Variants in NRXN1 observed in about 807,000 individuals in gnomAD.
NRXN1 encodes the protein neurexin 1.
Under a neutral mutation model 150.9 loss-of-function variants are expected in NRXN1, and 39 were observed. The ratio of observed to expected loss-of-function variants is 0.26; its 90% CI spans 0.20 to 0.34. The LOEUF (loss-of-function observed/expected upper bound fraction) is 0.34. Among genes scored for constraint, NRXN1 ranks in the 10% least tolerant of loss-of-function variants. The probability of loss-of-function intolerance (pLI) is 1.00; values close to 1 mark genes in which losing one functional copy is unlikely to be tolerated. For missense variants in NRXN1, 1,815 were observed against 1,949.9 expected, an observed-to-expected ratio of 0.93 and a Z score of 1.30; for synonymous variants, 924 against 757.0, an observed-to-expected ratio of 1.22 and a Z score of -3.62.
intron 19 of NRXN1, among the ~76,000 whole-genome samples, chr2:50,076,619 C>G (rs1452776): frequency 6.6e-6 from 1 of 152,130 alleles, no homozygotes; most frequent in Non-Finnish European, 1.5e-5. Context: ...CCCTCTGAAC[C>G]TTCATGCTAA....
intron 2 of NRXN1, among the ~76,000 whole-genome samples, chr2:51,025,846 G>A (rs188786526): frequency 6.6e-6 from 1 of 152,262 alleles, no homozygotes; most frequent in Non-Finnish European, 1.5e-5. Context: ...TAAAGCTGAA[G>A]TGCTGTATAG....
intron 21 of NRXN1, among the ~76,000 whole-genome samples, chr2:50,039,363 G>C (rs190604123): frequency 6.6e-6 from 1 of 152,150 alleles, no homozygotes; most frequent in African/African-American, 2.4e-5. Flanking sequence ...CTACTCAGGA[G>C]GCTGAAGCAG....
chr2:50,096,697 T>A (rs1053047728), intron 18 of NRXN1, among the ~76,000 whole-genome samples: 2 of 152,300 alleles, frequency 1.3e-5, no homozygotes, highest in Admixed American at 6.5e-5. Flanking sequence ...TTTCCATGGA[T>A]TCATTAAATA....
intron 18 of NRXN1, among the ~76,000 whole-genome samples, chr2:50,186,969 G>T (rs578181731): frequency 6.6e-6 from 1 of 152,068 alleles, no homozygotes; most frequent in East Asian, 1.9e-4. Context: ...ATATAAAGAT[G>T]GTTCCTGGCA....
intron 17 of NRXN1, among the ~76,000 whole-genome samples, chr2:50,390,446 G>A (rs2081612658): frequency 6.6e-6 from 1 of 152,128 alleles, no homozygotes; most frequent in African/African-American, 2.4e-5. Context: ...AATTTACACA[G>A]GCTAGTGTGG....
chr2:50,471,678 G>T (rs2089479295), intron 16 of NRXN1, among the ~76,000 whole-genome samples: 2 of 151,834 alleles, frequency 1.3e-5, no homozygotes, highest in South Asian at 4.1e-4. Context: ...AGAGCTAAAT[G>T]AAGAGAACAC....
At chr2:50,000,760 T>C (rs1456458245) in intron 21 of NRXN1, among the ~76,000 whole-genome samples, 1 of 152,166 alleles carries the variant, frequency 6.6e-6, no homozygotes, top group East Asian at 1.9e-4. Context: ...TTCCTGACTC[T>C]GTAGATTGTT....
chr2:50,482,532 G>A (rs1036753488), intron 15 of NRXN1, among the ~76,000 whole-genome samples: 2 of 152,044 alleles, frequency 1.3e-5, no homozygotes, highest in Non-Finnish European at 2.9e-5. Flanking sequence ...AATGCTCTCT[G>A]GGACTGCATA....
chr2:51,010,446 A>G (rs1390124209), intron 2 of NRXN1, among the ~76,000 whole-genome samples: 1 of 151,996 alleles, frequency 6.6e-6, no homozygotes, highest in Non-Finnish European at 1.5e-5. Flanking sequence ...CATTCATGTT[A>G]TATTGTGAGT....
intron 21 of NRXN1, among the ~76,000 whole-genome samples, chr2:50,029,426 A>G (rs963121502): frequency 6.6e-6 from 1 of 152,156 alleles, no homozygotes; most frequent in Non-Finnish European, 1.5e-5. Flanking sequence ...GTGAGTTTGT[A>G]TTTGAAGATA....
intron 18 of NRXN1, among the ~76,000 whole-genome samples, chr2:50,114,734 A>C (rs1324801204): frequency 6.6e-6 from 1 of 152,130 alleles, no homozygotes; most frequent in Non-Finnish European, 1.5e-5. Flanking sequence ...AATGCATATT[A>C]TTATACTAAG....
chr2:50,762,320 T>C (rs1701892592), intron 5 of NRXN1, among the ~76,000 whole-genome samples: 1 of 151,890 alleles, frequency 6.6e-6, no homozygotes, highest in African/African-American at 2.4e-5. Context: ...AGAGGTCATG[T>C]ACTTTTTTAA....
At chr2:50,927,006 G>A (rs1687000427) in intron 2 of NRXN1, among the ~76,000 whole-genome samples, 1 of 151,828 alleles carries the variant, frequency 6.6e-6, no homozygotes, top group African/African-American at 2.4e-5. Flanking sequence ...TAGGGGACTA[G>A]GGCAAGAGCA....
At chr2:50,100,679 CA>C (rs1700863051) in intron 18 of NRXN1, among the ~76,000 whole-genome samples, 1 of 152,010 alleles carries the variant, frequency 6.6e-6, no homozygotes. Flanking sequence ...CATACGTTTG[CA>C]GATATCACGA....
At chr2:50,949,262 C>T (rs576527019) in intron 2 of NRXN1, among the ~76,000 whole-genome samples, 2 of 151,930 alleles carry the variant, frequency 1.3e-5, no homozygotes, top group Admixed American at 1.3e-4. Flanking sequence ...CCATATAATA[C>T]TGAGTTGAAA....
rs112096907 is a variant in NRXN1, at chr2:50,845,585, A to G, written c.832+76284T>C. On this transcript the variant is annotated intron_variant, in intron 5 of 22. Transcript: ENST00000401669. The stretch of plus-strand genomic sequence containing the variant: ...TTAACTCTCTGTTTTTCCCTCACAA[A>G]TTTAAAGTTCAGATTAGGAACCTCA... Among the ~76,000 whole-genome samples the G allele has an allele frequency of 1.6e-3, 246 of 152,262 alleles. 4 individuals are homozygous for G. The highest frequency in any genetic ancestry group is 5.8e-3 in the African/African-American group (239 of 41,562).
At chr2:50,471,303 T>C (rs1409501865) in intron 16 of NRXN1, among the ~76,000 whole-genome samples, 2 of 151,752 alleles carry the variant, frequency 1.3e-5, no homozygotes, top group Non-Finnish European at 2.9e-5. Context: ...CCATGCTGTA[T>C]GCTTTTGTGC....
intron 18 of NRXN1, among the ~76,000 whole-genome samples, chr2:50,139,039 C>A (rs1257260135): frequency 6.6e-6 from 1 of 152,048 alleles, no homozygotes; most frequent in Non-Finnish European, 1.5e-5. Flanking sequence ...AATGTTACTG[C>A]ATGTGGACGG....
chr2:50,629,162 T>C (rs143124262), intron 5 of NRXN1, among the ~76,000 whole-genome samples: 1,765 of 151,814 alleles, frequency 0.012, 36 homozygotes, highest in African/African-American at 0.04. Flanking sequence ...CAGAATAGCA[T>C]ACTAGAATGT....
Sources: gnomAD v4.1 joint callset for allele counts (sites outside exome capture counted in the v4.1 genomes callset) on GRCh38, gnomAD v4.1.1 for gene constraint, MANE v1.5 for transcripts, NCBI Gene and HGNC (gene_info 2026-07-23, HGNC 2026-07-21) for gene names.